Variants in ABCB1 observed in about 807,000 individuals in gnomAD.
ABCB1 encodes the protein ATP-dependent translocase ABCB1.
Under a neutral mutation model 142.0 loss-of-function variants are expected in ABCB1, and 69 were observed. That is an observed-to-expected ratio of 0.49 (90% CI 0.40 to 0.59). The LOEUF is 0.59. Among genes scored for constraint, ABCB1 ranks in the 20% least tolerant of loss-of-function variants. The pLI is 0.00. For synonymous variants in ABCB1, 532 were observed against 539.2 expected (o/e 0.99, Z 0.18); for missense variants, 1,326 against 1,554.7 (o/e 0.85, Z 2.47).
chr7:87,515,121 G>T, intron 25 of ABCB1, 110 bp downstream of exon 25: 1 of 1,349,254 alleles, frequency 7.4e-7, no homozygotes, highest in Non-Finnish European at 1.0e-6. Context: ...ATCCAAGTGG[G>T]ACTGTTGTTT....
At chr7:87,550,643 G>A (rs1817019834) in intron 10 of ABCB1, 65 bp from the exon 11 acceptor site, 1 of 1,575,350 alleles carries the variant, frequency 6.3e-7, no homozygotes, top group South Asian at 1.1e-5. Flanking sequence ...ATATTTTGTG[G>A]AGAGCTGGAT....
intron 1 of ABCB1, among the ~76,000 whole-genome samples, chr7:87,709,796 T>G (rs577908834): frequency 6.6e-6 from 1 of 152,266 alleles, no homozygotes; most frequent in African/African-American, 2.4e-5. Flanking sequence ...TTTTAGAGAT[T>G]TGTGAAAGAG....
intron 1 of ABCB1, among the ~76,000 whole-genome samples, chr7:87,700,867 C>A (rs185679469): frequency 1.3e-5 from 2 of 152,168 alleles, no homozygotes; most frequent in Admixed American, 1.3e-4. Context: ...AATGCAGACA[C>A]AATGGTGGAT....
At chr7:87,566,388 T>C (rs1817783116) in intron 6 of ABCB1, 147 bp from the exon 7 acceptor site, 6 of 827,420 alleles carry the variant, frequency 7.3e-6, no homozygotes, top group African/African-American at 1.7e-5. Context: ...AAGTTTCTAC[T>C]AGGATATTTG....
chr7:87,637,374 T>A (rs1301482236), intron 1 of ABCB1, among the ~76,000 whole-genome samples: 2 of 152,212 alleles, frequency 1.3e-5, no homozygotes, highest in African/African-American at 4.8e-5. Context: ...TCTAGCTTTA[T>A]TTTTCAAGAT....
At chr7:87,695,149 CTAAT>C (rs1455967776) in intron 1 of ABCB1, among the ~76,000 whole-genome samples, 1 of 152,008 alleles carries the variant, frequency 6.6e-6, no homozygotes. Flanking sequence ...TAAAGTGTAA[CTAAT>C]TATTTTTAAG....
chr7:87,560,450 T>A (rs1483462873), intron 8 of ABCB1, among the ~76,000 whole-genome samples: 2 of 152,116 alleles, frequency 1.3e-5, no homozygotes, highest in Non-Finnish European at 2.9e-5. Flanking sequence ...AACCACAGAA[T>A]CCCCTGCTGT....
At position 87,520,786 on chromosome 7, in the gene ABCB1, C is replaced by G. The variant is rs201316099; in HGVS notation, c.2776G>C (p.Val926Leu). The change falls in exon 22 of 28, where the codon GTA (valine) becomes CTA (leucine). Residue 926 changes from valine (V) to leucine (L), a missense_variant. By Grantham distance (32) the Val-to-Leu change is conservative. Coordinates refer to ENST00000622132, the MANE Select transcript of ABCB1 (RefSeq NM_001348946.2). ...FEHMYAQSLQVPYRNSLRKAH... is the reference protein window; with the variant it reads ...FEHMYAQSLQLPYRNSLRKAH... ...TTCAGCGGTTATTACCTGTATGGTA[C>G]CTGCAAACTCTGAGCATACATATGT... 6.2e-7 allele frequency: 1 copy of G among 1,613,478 alleles called. No individual in the cohort carries two copies. The highest frequency in any genetic ancestry group is 8.5e-7 in the Non-Finnish European group (1 of 1,179,618).
At chr7:87,573,408 A>G (rs1818135348) in intron 4 of ABCB1, among the ~76,000 whole-genome samples, 1 of 152,154 alleles carries the variant, frequency 6.6e-6, no homozygotes, top group African/African-American at 2.4e-5. Context: ...GGCTGACCTC[A>G]GCCACTTCCA....
chr7:87,634,492 G>A (rs542316590), intron 1 of ABCB1, among the ~76,000 whole-genome samples: 1 of 126,360 alleles, frequency 7.9e-6, no homozygotes, highest in South Asian at 3.6e-4. Flanking sequence ...GGTGGTGGGG[G>A]GTGGGGGGGG....
At chr7:87,571,737 A>T (rs1818064993) in intron 4 of ABCB1, among the ~76,000 whole-genome samples, 1 of 152,212 alleles carries the variant, frequency 6.6e-6, no homozygotes, top group South Asian at 2.1e-4. Context: ...TGCCTGGCAC[A>T]TTCAATTGAA....
At chr7:87,517,831 T>A (rs4148747) in intron 23 of ABCB1, among the ~76,000 whole-genome samples, 20,297 of 152,192 alleles carry the variant, frequency 0.13, 1,447 homozygotes, top group African/African-American at 0.18. Context: ...CAGCTCTCCA[T>A]GTTCGTGCCT....
At chr7:87,659,267 G>C in intron 1 of ABCB1, 1 of 411,950 alleles carries the variant, frequency 2.4e-6, no homozygotes, top group Non-Finnish European at 4.8e-6. Flanking sequence ...TTAGTTTTCT[G>C]TTTGTTCCCC....
At chr7:87,644,890 T>C (rs1822826712) in intron 1 of ABCB1, among the ~76,000 whole-genome samples, 1 of 151,992 alleles carries the variant, frequency 6.6e-6, no homozygotes, top group Admixed American at 6.5e-5. Flanking sequence ...TTAAAATTTT[T>C]AAGTTATTTT....
At position 87,504,599 on chromosome 7, in the gene ABCB1, A is replaced by T. The variant is rs1640969151; in HGVS notation, c.3637-150T>A. ...CAAGGCGGGCAGATCACAAGGTCAG[A>T]TTGAGACCATCCTGGCTAACACGGT... On this transcript the variant is annotated intron_variant, in intron 27 of 27. Transcript: ENST00000622132. 1.7e-5 allele frequency: 17 copies of T among 1,006,244 alleles called. No homozygotes were observed. The Admixed American group carries it at 3.4e-4, about 20-fold the overall frequency. 62.3% of individuals were successfully genotyped at this position (1,006,244 alleles called of 1,614,324 possible).
At chr7:87,514,391 T>C (rs1490766531) in intron 25 of ABCB1, among the ~76,000 whole-genome samples, 2 of 152,210 alleles carry the variant, frequency 1.3e-5, no homozygotes, top group African/African-American at 4.8e-5. Context: ...TCCCCCATCA[T>C]AGTCGTTTAA....
intron 1 of ABCB1, among the ~76,000 whole-genome samples, chr7:87,708,508 T>C (rs758466125): frequency 2.4e-4 from 37 of 152,202 alleles, no homozygotes; most frequent in Non-Finnish European, 5.0e-4. Context: ...TAGTTAAAAA[T>C]CATCCCATTG....
intron 1 of ABCB1, among the ~76,000 whole-genome samples, chr7:87,620,305 G>A (rs150794489): frequency 5.3e-4 from 80 of 152,058 alleles, no homozygotes; most frequent in African/African-American, 1.9e-3. Context: ...GACTACAGGC[G>A]CGTGCCACCA....
chr7:87,647,490 CA>C (rs1823128510), intron 1 of ABCB1, among the ~76,000 whole-genome samples: 1 of 152,126 alleles, frequency 6.6e-6, no homozygotes, highest in Non-Finnish European at 1.5e-5. Flanking sequence ...AACATTGCTA[CA>C]TTTTTCTTTT....
Sources: gnomAD v4.1 joint callset for allele counts (sites outside exome capture counted in the v4.1 genomes callset) on GRCh38, gnomAD v4.1.1 for gene constraint, MANE v1.5 for transcripts, NCBI Gene and HGNC (gene_info 2026-07-23, HGNC 2026-07-21) for gene names.